The following UNC13C variants were observed in gnomAD, a reference collection of about 807,000 sequenced individuals.
The protein encoded by UNC13C is unc-13 homolog C.
In UNC13C, 174 loss-of-function variants were observed where a neutral mutation model predicts 245.4. The observed-to-expected ratio is 0.71, with a 90% CI of 0.63 to 0.80. The LOEUF is 0.80. Among genes scored for constraint, UNC13C ranks in the 30% least tolerant of loss-of-function variants. The pLI, the probability that UNC13C is intolerant of heterozygous loss-of-function variation, is 0.00. For missense variants in UNC13C, 2,829 were observed against 2,602.9 expected, an observed-to-expected ratio of 1.09 and a Z score of -1.89; for synonymous variants, 992 against 895.1, an observed-to-expected ratio of 1.11 and a Z score of -1.93.
chr15:53,930,236 T>C, the UNC13C span, among the ~76,000 whole-genome samples: 2 of 152,152 alleles, frequency 1.3e-5, no homozygotes, highest in Admixed American at 6.5e-5. Context: ...CTCTTCCTCA[T>C]AGCACGACAG....
Position 54,555,447 on chromosome 15 carries a change from G to C in UNC13C, c.5893G>C (p.Glu1965Gln). 6.2e-7 allele frequency: 1 copy of C among 1,612,358 alleles called. No individual in the cohort carries two copies. Among genetic ancestry groups the C allele is most frequent in the Non-Finnish European group, 8.5e-7 (1 of 1,179,004 alleles). The change falls in exon 29 of 33, where the codon GAG becomes CAG. Residue 1965 changes from glutamate to glutamine, a missense_variant. Physicochemically the swap from Glu to Gln is conservative, Grantham distance 29 (BLOSUM62 2). Coordinates refer to ENST00000260323, the MANE Select transcript of UNC13C (RefSeq NM_001080534.3). ...TGTTTTCCAGGAGCACATGATTCGAGAGGATGCCAGGGGTCTGACGCCAAG... is the reference window on the plus strand; with the variant it reads ...TGTTTTCCAGGAGCACATGATTCGACAGGATGCCAGGGGTCTGACGCCAAG... ...LSKLKEHMIR[E>Q]DARGLTPRQC...
intron 32 of UNC13C, among the ~76,000 whole-genome samples, chr15:54,624,946 G>A (rs1280915502): frequency 6.6e-6 from 1 of 152,086 alleles, no homozygotes; most frequent in Non-Finnish European, 1.5e-5. Context: ...CCTGAAAAGA[G>A]GAGAGAAAGA....
At chr15:53,970,750 C>T in the UNC13C span, among the ~76,000 whole-genome samples, 7 of 152,130 alleles carry the variant, frequency 4.6e-5, no homozygotes, top group South Asian at 1.0e-3. Context: ...TTACGTGTTG[C>T]GTTGATCTGT....
Position 54,052,475 on chromosome 15 carries a change from C to G in UNC13C, c.2983+36589C>G, listed in dbSNP as rs566643249. The stretch of plus-strand genomic sequence containing the variant: ...CATTCTAACTGGTGTGAGATGGTAT[C>G]TCATTGTGGTTTTGATTTGCATTTC... On this transcript the variant is annotated intron_variant, in intron 2 of 32. Coordinates refer to ENST00000260323, the MANE Select transcript of UNC13C (RefSeq NM_001080534.3). Among the ~76,000 whole-genome samples, 14 of 152,008 alleles carry G rather than the reference C, an allele frequency of 9.2e-5. 1 individual carries two copies. The highest frequency in any genetic ancestry group is 2.9e-4 in the African/African-American group (12 of 41,446).
intron 4 of UNC13C, among the ~76,000 whole-genome samples, chr15:54,181,138 G>A (rs1050042059): frequency 6.6e-6 from 1 of 151,750 alleles, no homozygotes; most frequent in African/African-American, 2.4e-5. Flanking sequence ...TTGAAGTCTT[G>A]CATTTAAATC....
intron 1 of UNC13C, among the ~76,000 whole-genome samples, chr15:53,981,893 T>C (rs2711590): frequency 1.1e-4 from 16 of 152,298 alleles, no homozygotes; most frequent in African/African-American, 3.8e-4. Context: ...CATAAATGTT[T>C]CCCATCTCTT....
chr15:54,463,393 T>TA (rs1891987717), intron 19 of UNC13C, among the ~76,000 whole-genome samples: 1 of 150,722 alleles, frequency 6.6e-6, no homozygotes, highest in African/African-American at 2.4e-5. Context: ...CAGTAAATCT[T>TA]ACTGCTGCTC....
intron 2 of UNC13C, among the ~76,000 whole-genome samples, chr15:54,088,994 C>T (rs1384306781): frequency 6.6e-6 from 1 of 152,136 alleles, no homozygotes; most frequent in Non-Finnish European, 1.5e-5. Context: ...AAACTTGATG[C>T]TGGCCTTGGC....
intron 10 of UNC13C, among the ~76,000 whole-genome samples, chr15:54,278,921 G>A (rs527986501): frequency 2.6e-5 from 4 of 152,032 alleles, no homozygotes; most frequent in Non-Finnish European, 5.9e-5. Context: ...TAAAATATAA[G>A]CTATGCTTAT....
chr15:54,149,019 G>T (rs1595913015), intron 4 of UNC13C, among the ~76,000 whole-genome samples: 1 of 152,136 alleles, frequency 6.6e-6, no homozygotes, highest in Non-Finnish European at 1.5e-5. Context: ...ATTGGATCAT[G>T]GGGGGCAGTT....
At chr15:54,552,725 TATATA>T (rs1261794821) in intron 28 of UNC13C, among the ~76,000 whole-genome samples, 6 of 87,328 alleles carry the variant, frequency 6.9e-5, no homozygotes, top group African/African-American at 1.9e-4. Flanking sequence ...TATTGTACAA[TATATA>T]ATATAATATA....
chr15:54,535,029 G>A (rs538201832), intron 26 of UNC13C, among the ~76,000 whole-genome samples: 37 of 152,124 alleles, frequency 2.4e-4, no homozygotes, highest in South Asian at 8.3e-4. Flanking sequence ...AGCTAAAGAC[G>A]CAACAACAGG....
intron 19 of UNC13C, among the ~76,000 whole-genome samples, chr15:54,488,458 A>G (rs759126045): frequency 6.6e-6 from 1 of 152,204 alleles, no homozygotes; most frequent in South Asian, 2.1e-4. Context: ...AGCAGTGTTT[A>G]TGCAATAAAA....
At chr15:54,030,285 C>A (rs1042343736) in intron 2 of UNC13C, among the ~76,000 whole-genome samples, 1 of 151,970 alleles carries the variant, frequency 6.6e-6, no homozygotes, top group African/African-American at 2.4e-5. Context: ...GGTGACAGAT[C>A]CCTAGACCAT....
chr15:54,545,007 A>G (rs1896421733), intron 26 of UNC13C, among the ~76,000 whole-genome samples: 1 of 152,206 alleles, frequency 6.6e-6, no homozygotes, highest in South Asian at 2.1e-4. Flanking sequence ...CTAAGCAAAA[A>G]GAACACAGCT....
At chr15:54,088,880 A>T (rs1228649740) in intron 2 of UNC13C, among the ~76,000 whole-genome samples, 1 of 152,186 alleles carries the variant, frequency 6.6e-6, no homozygotes, top group African/African-American at 2.4e-5. Context: ...GGAGGAGGAA[A>T]ACCTAATTTT....
At chr15:54,287,034 T>G (rs2037168529) in intron 10 of UNC13C, among the ~76,000 whole-genome samples, 1 of 152,190 alleles carries the variant, frequency 6.6e-6, no homozygotes, top group Admixed American at 6.5e-5. Flanking sequence ...TTTATCAAGT[T>G]TGTGCAGTAA....
At chr15:53,924,537 G>A in the UNC13C span, among the ~76,000 whole-genome samples, 1 of 152,196 alleles carries the variant, frequency 6.6e-6, no homozygotes, top group African/African-American at 2.4e-5. Flanking sequence ...GTGAGAGGGT[G>A]CACTGTATTT....
chr15:54,534,498 A>G (rs1050048191), intron 26 of UNC13C, among the ~76,000 whole-genome samples: 1 of 152,268 alleles, frequency 6.6e-6, no homozygotes, highest in South Asian at 2.1e-4. Flanking sequence ...AAGAACCAGC[A>G]TGAGAACTCT....
Sources: gnomAD v4.1 joint callset for allele counts (sites outside exome capture counted in the v4.1 genomes callset) on GRCh38, gnomAD v4.1.1 for gene constraint, MANE v1.5 for transcripts, NCBI Gene and HGNC (gene_info 2026-07-23, HGNC 2026-07-21) for gene names.